Variants in CCDC186 observed in about 807,000 individuals in gnomAD.
CCDC186 encodes coiled-coil domain containing 186.
Under a neutral mutation model 113.7 loss-of-function variants are expected in CCDC186, and 49 were observed. The ratio of observed to expected loss-of-function variants is 0.43; its 90% CI spans 0.34 to 0.55. The LOEUF is 0.55. Among genes scored for constraint, CCDC186 ranks in the 20% least tolerant of loss-of-function variants. The pLI, the probability that CCDC186 is intolerant of heterozygous loss-of-function variation, is 0.02. For synonymous variants in CCDC186, 355 were observed against 345.8 expected (o/e 1.03, Z -0.30); for missense variants, 890 against 1,011.1 (o/e 0.88, Z 1.62).
intron 8 of CCDC186, 39 bp from the exon 9 acceptor site, chr10:114,136,016 GCTAAACTATAT>G (rs765517651): frequency 3.2e-6 from 5 of 1,559,246 alleles, no homozygotes; most frequent in Non-Finnish European, 4.4e-6. Context: ...ATCATAATGT[GCTAAACTATAT>G]CTAAGATTTA....
chr10:114,139,670 C>T (rs143608763), intron 6 of CCDC186, among the ~76,000 whole-genome samples: 55 of 151,004 alleles, frequency 3.6e-4, no homozygotes, highest in African/African-American at 9.0e-4. Context: ...TTTTCAGTTG[C>T]TAGTTTTTAA....
At chr10:114,161,576 A>G (rs1322953933) in intron 2 of CCDC186, 1 of 152,188 alleles carries the variant, frequency 6.6e-6, no homozygotes, top group Non-Finnish European at 1.5e-5. Flanking sequence ...AAGTTACCCT[A>G]TAAAATGCAA....
intron 2 of CCDC186, among the ~76,000 whole-genome samples, chr10:114,160,339 A>C (rs2032135467): frequency 6.6e-6 from 1 of 152,172 alleles, no homozygotes; most frequent in African/African-American, 2.4e-5. Context: ...CAAAGAACAG[A>C]AATAAAGAGA....
At chr10:114,168,296 A>C (rs1055846321) in intron 1 of CCDC186, 4 of 152,312 alleles carry the variant, frequency 2.6e-5, no homozygotes, top group African/African-American at 9.6e-5. Context: ...CCTTAAAGTC[A>C]ACCATTACCC....
rs566622831 is a variant in CCDC186, at chr10:114,148,636, A to G, written c.888+2456T>C. ...TCTTTTAATATATAGTTGAGCTCAC[A>G]AGAAAGTATGGGAAATTTCCAGGGC... is the stretch of plus-strand genomic sequence containing the variant. On this transcript the variant is annotated intron_variant, in intron 4 of 15. Coordinates refer to ENST00000369287, the MANE Select transcript of CCDC186 (RefSeq NM_018017.4). Among the ~76,000 whole-genome samples the G allele has an allele frequency of 5.3e-5, 8 of 152,360 alleles. No individual in the cohort carries two copies. In the South Asian group the frequency reaches 1.7e-3, roughly 32 times the overall value.
In CCDC186 at chr10:114,162,631, A is replaced by G; in HGVS notation, c.632+6T>C. 1 of 1,541,818 alleles carries G rather than the reference A, an allele frequency of 6.5e-7. No individual in the cohort carries two copies. Among genetic ancestry groups the G allele is most frequent in the Non-Finnish European group, 8.7e-7 (1 of 1,148,406 alleles). On this transcript the variant is annotated splice_donor_region_variant and intron_variant, in intron 2 of 15. Transcript: ENST00000369287. ...AAAAAATAACCTAAAGGTATAAAAA[A>G]CTTACTTTTTTATGATATGTTCCTG...
intron 1 of CCDC186, among the ~76,000 whole-genome samples, chr10:114,167,856 T>G (rs2032382637): frequency 6.8e-6 from 1 of 146,676 alleles, no homozygotes; most frequent in African/African-American, 2.5e-5. Context: ...CATGGTGGCA[T>G]GCACCTGTAG....
chr10:114,124,508 G>T lies in CCDC186; in HGVS notation c.*635C>A, dbSNP rs185517957. On this transcript the variant is annotated 3_prime_UTR_variant, in exon 16 of 16. Coordinates refer to ENST00000369287, the MANE Select transcript of CCDC186 (RefSeq NM_018017.4). ...ATTCAACCATTAACTCAAACAATCA[G>T]AATCTGAAAAAATGTACCTAAAACA... The T allele has an allele frequency of 5.3e-5, 8 of 152,100 alleles. No individual in the cohort carries two copies. The highest frequency in any genetic ancestry group is 2.9e-5 in the Non-Finnish European group (2 of 67,970). The allele number at this position is 152,100 out of a possible 1,614,324, so 9.4% of individuals were successfully genotyped here.
At chr10:114,133,114 T>G (rs1450687170) in intron 10 of CCDC186, among the ~76,000 whole-genome samples, 1 of 152,080 alleles carries the variant, frequency 6.6e-6, no homozygotes, top group Non-Finnish European at 1.5e-5. Context: ...GAAAACAGAT[T>G]AGAGAGGATA....
Position 114,166,014 on chromosome 10 carries a change from T to A in CCDC186, c.-61-2685A>T, listed in dbSNP as rs975145495. 8.2e-6 allele frequency: 7 copies of A among 853,762 alleles called. No individual in the cohort carries two copies. The African/African-American group carries it at 1.3e-4, about 16-fold the overall frequency. 52.9% of individuals were successfully genotyped at this position (853,762 alleles called of 1,614,324 possible). A position where few individuals can be genotyped will look rare whatever the true frequency, so the allele number is the denominator to read the frequency against. On this transcript the variant is annotated intron_variant, in intron 1 of 15. Coordinates refer to ENST00000369287, the MANE Select transcript of CCDC186 (RefSeq NM_018017.4). ...ACCTGTCTTAATTTCTGGAATAAGT[T>A]TTTTGTAGTAACCAAAAGTGGCGGC... is the stretch of plus-strand genomic sequence containing the variant.
At chr10:114,145,874 C>T (rs2031625327) in intron 4 of CCDC186, 113 bp from the exon 5 acceptor site, 1 of 959,594 alleles carries the variant, frequency 1.0e-6, no homozygotes, top group Non-Finnish European at 1.5e-6. Context: ...GGTTTTTGCA[C>T]AACATTCCCA....
At chr10:114,171,248 C>T in intron 1 of CCDC186, among the ~76,000 whole-genome samples, 1 of 152,004 alleles carries the variant, frequency 6.6e-6, no homozygotes, top group East Asian at 1.9e-4. Context: ...GGAAGGCTCT[C>T]AGGCCTTCCT....
In CCDC186 at chr10:114,149,741, G is replaced by GA. The variant is rs1326870589; in HGVS notation, c.888+1350dup. On this transcript the variant is annotated intron_variant, in intron 4 of 15. Transcript: ENST00000369287. ...GGAAGGGAGGAAGGGACGAAGGAAG[G>GA]AAGGCAGGAAGGCAGGAAGGAAGGA... Among the ~76,000 whole-genome samples the GA allele has an allele frequency of 3.4e-4, 10 of 29,822 alleles. 2 individuals are homozygous for GA. Among genetic ancestry groups the GA allele is most frequent in the Non-Finnish European group, 3.0e-4 (4 of 13,456 alleles). 19.6% of individuals were successfully genotyped at this position (29,822 alleles called of 152,430 possible).
chr10:114,164,950 C>T (rs2032293216), intron 1 of CCDC186, among the ~76,000 whole-genome samples: 2 of 152,144 alleles, frequency 1.3e-5, no homozygotes, highest in African/African-American at 4.8e-5. Context: ...GAGTTTCTAG[C>T]ACATAGTGGG....
chr10:114,124,140 T>G lies in CCDC186; in HGVS notation c.*1003A>C, dbSNP rs1230862266. 6.6e-6 allele frequency: 1 copy of G among 152,250 alleles called. No individual in the cohort carries two copies. Among genetic ancestry groups the G allele is most frequent in the African/African-American group, 2.4e-5 (1 of 41,468 alleles). 9.4% of individuals were successfully genotyped at this position (152,250 alleles called of 1,614,324 possible). On this transcript the variant is annotated 3_prime_UTR_variant, in exon 16 of 16. Coordinates refer to ENST00000369287, the MANE Select transcript of CCDC186 (RefSeq NM_018017.4). The stretch of plus-strand genomic sequence containing the variant: ...TGCTGGGATTACAGGCGTGAGCTAC[T>G]GCACCTGGTCTACTTTATGTTTTAA...
intron 1 of CCDC186, among the ~76,000 whole-genome samples, chr10:114,169,674 A>C (rs2119819685): frequency 6.6e-6 from 1 of 152,350 alleles, no homozygotes; most frequent in South Asian, 2.1e-4. Flanking sequence ...CTACATCAAA[A>C]GAGTTTGTAT....
intron 1 of CCDC186, among the ~76,000 whole-genome samples, chr10:114,165,633 T>TG (rs1456995579): frequency 1.3e-5 from 2 of 152,104 alleles, no homozygotes; most frequent in Non-Finnish European, 2.9e-5. Flanking sequence ...GAGGTTGCAG[T>TG]GAGCCAAGAT....
intron 6 of CCDC186, among the ~76,000 whole-genome samples, chr10:114,139,203 C>CTTTTTTTTT (rs78214340): frequency 7.4e-6 from 1 of 134,240 alleles, no homozygotes; most frequent in Non-Finnish European, 1.6e-5. Context: ...CCCTTTGTTC[C>CTTTTTTTTT]TTTTTTTTTT....
chr10:114,165,454 G>T (rs1365348245), intron 1 of CCDC186, among the ~76,000 whole-genome samples: 2 of 152,178 alleles, frequency 1.3e-5, no homozygotes, highest in Non-Finnish European at 2.9e-5. Flanking sequence ...AGTACTTTGG[G>T]AGGCCAAGGA....
Sources: allele counts gnomAD v4.1 joint callset (sites outside exome capture counted in the v4.1 genomes callset), GRCh38; gene constraint gnomAD v4.1.1; transcripts MANE v1.5; gene names NCBI Gene and HGNC (gene_info 2026-07-23, HGNC 2026-07-21).